Variants in ITFG1 observed in about 807,000 individuals in gnomAD.
The protein encoded by ITFG1 is integrin alpha FG-GAP repeat containing 1, also known as T-cell immunomodulatory protein.
Under a neutral mutation model 81.8 loss-of-function variants are expected in ITFG1, and 34 were observed. The observed-to-expected ratio is 0.42, with a 90% CI of 0.32 to 0.55. The LOEUF (loss-of-function observed/expected upper bound fraction) is 0.55, where lower values mean the gene tolerates loss of function less well. ITFG1 is among the 20% of genes least tolerant of loss of function. The pLI, the probability that ITFG1 is intolerant of heterozygous loss-of-function variation, is 0.17. For missense variants in ITFG1, 672 were observed against 755.4 expected (o/e 0.89, Z 1.29); for synonymous variants, 285 against 270.6 (o/e 1.05, Z -0.52).
chr16:47,234,092 A>G (rs1332296028), intron 13 of ITFG1, among the ~76,000 whole-genome samples: 2 of 152,238 alleles, frequency 1.3e-5, no homozygotes, highest in East Asian at 3.8e-4. Context: ...CTTTCAATAA[A>G]AAATTACAGG....
chr16:47,377,164 T>C (rs558352566), intron 6 of ITFG1, among the ~76,000 whole-genome samples: 1 of 152,196 alleles, frequency 6.6e-6, no homozygotes, highest in East Asian at 1.9e-4. Flanking sequence ...AAGATTTTCA[T>C]GGAATCACCC....
intron 4 of ITFG1, 32 bp downstream of exon 4, chr16:47,452,701 A>G: frequency 6.9e-7 from 1 of 1,451,676 alleles, no homozygotes; most frequent in Non-Finnish European, 9.5e-7. Context: ...TTAAGTTTAA[A>G]ATCGTTTCAA....
In ITFG1 at chr16:47,282,557, G is replaced by A. The variant is rs765158501; in HGVS notation, c.1071-21862C>T. Among the ~76,000 whole-genome samples the A allele has an allele frequency of 4.4e-4, 67 of 152,104 alleles. 1 individual carries two copies. The highest frequency in any genetic ancestry group is 1.5e-4 in the Non-Finnish European group (10 of 68,004). On this transcript the variant is annotated intron_variant, in intron 10 of 17. Transcript: ENST00000320640. Reference sequence around the variant, plus strand: ...ATGAATAGTGCTGCAAAAAACATATGAGTACAGGTATCCTTTTGGTATAAT... The same window carrying A: ...ATGAATAGTGCTGCAAAAAACATATAAGTACAGGTATCCTTTTGGTATAAT...
chr16:47,206,515 C>T (rs1035826539), intron 14 of ITFG1, among the ~76,000 whole-genome samples: 13 of 152,196 alleles, frequency 8.5e-5, no homozygotes, highest in Admixed American at 7.9e-4. Context: ...CCATACCTAT[C>T]AGCAGTCATC....
At chr16:47,252,312 G>A (rs1321910678) in intron 12 of ITFG1, among the ~76,000 whole-genome samples, 1 of 152,084 alleles carries the variant, frequency 6.6e-6, no homozygotes, top group Non-Finnish European at 1.5e-5. Context: ...AAACCCAGAG[G>A]CAGGCAAGGG....
intron 14 of ITFG1, 131 bp from the exon 15 acceptor site, chr16:47,162,795 T>C (rs923273041): frequency 1.3e-6 from 1 of 753,320 alleles, no homozygotes; most frequent in Non-Finnish European, 2.1e-6. Flanking sequence ...AAATGAAAGA[T>C]ACAGGTCATT....
chr16:47,276,435 T>TGTTATGGAATGGAAGAGGAACATCAC (rs1273629973), intron 10 of ITFG1, among the ~76,000 whole-genome samples: 1 of 152,098 alleles, frequency 6.6e-6, no homozygotes, highest in Admixed American at 6.6e-5. Flanking sequence ...ACATCACAAA[T>TGTTATGGAATGGAAGAGGAACATCAC]AGTTCCTCAA....
intron 6 of ITFG1, among the ~76,000 whole-genome samples, chr16:47,395,019 G>A (rs1158637667): frequency 6.6e-6 from 1 of 151,986 alleles, no homozygotes; most frequent in African/African-American, 2.4e-5. Context: ...TTATGATTAT[G>A]GACAATTTCT....
intron 6 of ITFG1, among the ~76,000 whole-genome samples, chr16:47,386,006 T>C (rs1160503206): frequency 1.3e-5 from 2 of 151,948 alleles, no homozygotes; most frequent in Non-Finnish European, 2.9e-5. Context: ...GCCAAAACAG[T>C]GGGCAAAATT....
intron 14 of ITFG1, among the ~76,000 whole-genome samples, chr16:47,163,914 TACACAC>T (rs56117889): frequency 0.013 from 1,855 of 139,344 alleles, 19 homozygotes; most frequent in South Asian, 0.02. Context: ...GAAGCTCAAC[TACACAC>T]ACACACACAC....
In ITFG1 at chr16:47,365,842, A is replaced by G; in HGVS notation, c.748T>C (p.Leu250=). 1 of 1,602,456 alleles carries G rather than the reference A, an allele frequency of 6.2e-7. No individual in the cohort carries two copies. The stretch of plus-strand genomic sequence containing the variant: ...ACCATCATATTTTGAGGTTTTTCCA[A>G]TATAGTACTGACAGAGAAGTTTCCA... ...LDGNFSVSTI[L]EKPQNMMVVG... Residue 250 remains leucine (L), a synonymous_variant, in exon 8 of 18, where the codon TTG becomes CTG. Coordinates refer to ENST00000320640, the MANE Select transcript of ITFG1 (RefSeq NM_030790.5).
intron 12 of ITFG1, among the ~76,000 whole-genome samples, chr16:47,240,295 C>CAA (rs565661862): frequency 6.9e-3 from 349 of 50,502 alleles, no homozygotes; most frequent in Middle Eastern, 0.016. Flanking sequence ...GATCCTGTCT[C>CAA]AAAAAAAAAA....
intron 14 of ITFG1, among the ~76,000 whole-genome samples, chr16:47,166,150 CT>C (rs1303180835): frequency 5.3e-5 from 8 of 152,170 alleles, no homozygotes; most frequent in Non-Finnish European, 7.4e-5. Flanking sequence ...CATTTATAAT[CT>C]ACTGTCACTG....
chr16:47,396,155 G>C (rs1384215778), intron 6 of ITFG1: 4 of 985,122 alleles, frequency 4.1e-6, no homozygotes, highest in African/African-American at 3.5e-5. Context: ...AGGAGAAGGA[G>C]AGATAAGTCT....
intron 11 of ITFG1, among the ~76,000 whole-genome samples, chr16:47,259,407 AATTAAAAATGG>A (rs1966178979): frequency 6.6e-6 from 1 of 152,190 alleles, no homozygotes; most frequent in South Asian, 2.1e-4. Flanking sequence ...GATGTACAGA[AATTAAAAATGG>A]ATTTGTAGTC....
intron 8 of ITFG1, among the ~76,000 whole-genome samples, chr16:47,356,111 C>T (rs1256414827): frequency 1.3e-5 from 2 of 152,114 alleles, no homozygotes. Flanking sequence ...CCAGCTCTGC[C>T]ACTCCCTCCC....
At chr16:47,406,476 A>G (rs572462038) in intron 6 of ITFG1, among the ~76,000 whole-genome samples, 43 of 152,326 alleles carry the variant, frequency 2.8e-4, no homozygotes, top group African/African-American at 9.4e-4. Flanking sequence ...AAAAAGGCCT[A>G]CCAATTAGGG....
At position 47,433,857 on chromosome 16, in the gene ITFG1, A is replaced by AATAT. The variant is rs4038737; in HGVS notation, c.561-4963_561-4960dup. ...AACTAAAGTGAATAAATAAAAACTG[A>AATAT]ATATATATATATATATATATATATA... On this transcript the variant is annotated intron_variant, in intron 5 of 17. Coordinates refer to ENST00000320640, the MANE Select transcript of ITFG1 (RefSeq NM_030790.5). Among the ~76,000 whole-genome samples, 69 of 38,378 alleles carry AATAT rather than the reference A, an allele frequency of 1.8e-3. 1 individual carries two copies. The highest frequency in any genetic ancestry group is 6.1e-3 in the East Asian group (5 of 826). 25.2% of individuals were successfully genotyped at this position (38,378 alleles called of 152,430 possible). A position where few individuals can be genotyped will look rare whatever the true frequency, so the allele number is the denominator to read the frequency against.
At chr16:47,384,127 A>C (rs1180000255) in intron 6 of ITFG1, among the ~76,000 whole-genome samples, 7 of 152,164 alleles carry the variant, frequency 4.6e-5, no homozygotes, top group Admixed American at 3.3e-4. Context: ...TTCAACTTCA[A>C]AGTGATTTAT....
Sources: gnomAD v4.1 joint callset for allele counts (sites outside exome capture counted in the v4.1 genomes callset) on GRCh38, gnomAD v4.1.1 for gene constraint, MANE v1.5 for transcripts, NCBI Gene and HGNC (gene_info 2026-07-23, HGNC 2026-07-21) for gene names.